ROR2: variants seen among roughly 807,000 people sequenced by gnomAD.
ROR2 encodes tyrosine-protein kinase transmembrane receptor ROR2.
ROR2 carries 33 observed loss-of-function variants against 74.9 expected under a neutral mutation model. The observed-to-expected ratio is 0.44, with a 90% CI of 0.33 to 0.59. The LOEUF (loss-of-function observed/expected upper bound fraction) is 0.59, where lower values mean the gene tolerates loss of function less well. Among genes scored for constraint, ROR2 ranks in the 20% least tolerant of loss-of-function variants. The pLI, the probability that ROR2 is intolerant of heterozygous loss-of-function variation, is 0.02. For missense variants in ROR2, 1,216 were observed against 1,313.8 expected (o/e 0.93, Z 1.15); for synonymous variants, 586 against 558.7 (o/e 1.05, Z -0.69).
chr9:91,759,226 GGC>G (rs58713030), intron 2 of ROR2, among the ~76,000 whole-genome samples: 8,034 of 152,226 alleles, frequency 0.053, 282 homozygotes, highest in East Asian at 0.1. Flanking sequence ...GGGGAAGCCA[GGC>G]GGTGGATTTA....
chr9:91,799,460 G>A (rs977402262), intron 1 of ROR2, among the ~76,000 whole-genome samples: 2 of 152,176 alleles, frequency 1.3e-5, no homozygotes, highest in East Asian at 1.9e-4. Flanking sequence ...GCCAGCCTTA[G>A]AGTTGAAATA....
intron 6 of ROR2, among the ~76,000 whole-genome samples, chr9:91,732,252 T>C (rs1837268668): frequency 1.3e-5 from 2 of 152,168 alleles, no homozygotes; most frequent in Admixed American, 1.3e-4. Context: ...TGTCAGCCAA[T>C]GGTTTTCCTC....
chr9:91,760,324 C>T lies in ROR2; in HGVS notation c.176-2765G>A, dbSNP rs536558416. On this transcript the variant is annotated intron_variant, in intron 2 of 8. Transcript: ENST00000375708. ...TTGTTAAATTATGATGACTGAAGTA[C>T]GTTTGGACATTAAGAAAAACAACTG... Among the ~76,000 whole-genome samples, 29 of 152,298 alleles carry T rather than the reference C, an allele frequency of 1.9e-4. No individual in the cohort carries two copies. In the South Asian group the frequency reaches 4.8e-3, roughly 25 times the overall value.
intron 2 of ROR2, among the ~76,000 whole-genome samples, chr9:91,767,225 C>T (rs893206049): frequency 3.3e-5 from 5 of 152,242 alleles, no homozygotes; most frequent in South Asian, 4.2e-4. Flanking sequence ...TAGGCATGCA[C>T]CACCACGCCC....
chr9:91,864,896 A>G (rs753148702), intron 1 of ROR2, among the ~76,000 whole-genome samples: 2 of 152,348 alleles, frequency 1.3e-5, no homozygotes, highest in Non-Finnish European at 2.9e-5. Context: ...TTCTCTCTGA[A>G]GGGAAAGGGG....
intron 1 of ROR2, among the ~76,000 whole-genome samples, chr9:91,822,066 A>T (rs779711515): frequency 6.6e-5 from 10 of 152,284 alleles, no homozygotes; most frequent in Non-Finnish European, 1.2e-4. Context: ...AACAAATTGT[A>T]AACACGGCAG....
At chr9:91,896,004 A>C (rs751909510) in intron 1 of ROR2, among the ~76,000 whole-genome samples, 1 of 152,174 alleles carries the variant, frequency 6.6e-6, no homozygotes, top group Non-Finnish European at 1.5e-5. Flanking sequence ...CTGCTTGTGT[A>C]TCAAGAAAAC....
At chr9:91,834,137 A>G (rs1428948118) in intron 1 of ROR2, among the ~76,000 whole-genome samples, 1 of 152,180 alleles carries the variant, frequency 6.6e-6, no homozygotes, top group Non-Finnish European at 1.5e-5. Flanking sequence ...AGGTCAGTAA[A>G]TCTATCTTGT....
At chr9:91,883,450 T>C (rs1181573952) in intron 1 of ROR2, 4 of 152,146 alleles carry the variant, frequency 2.6e-5, no homozygotes, top group African/African-American at 9.7e-5. Context: ...CACTGTCCAA[T>C]ATAGTAGCCA....
chr9:91,782,123 C>T (rs1357039997), intron 1 of ROR2, among the ~76,000 whole-genome samples: 1 of 152,232 alleles, frequency 6.6e-6, no homozygotes, highest in Non-Finnish European at 1.5e-5. Flanking sequence ...AATGCCGCAC[C>T]TCCACCCCCA....
intron 1 of ROR2, among the ~76,000 whole-genome samples, chr9:91,887,841 G>GA (rs1236335642): frequency 6.1e-5 from 8 of 130,422 alleles, no homozygotes; most frequent in African/African-American, 2.5e-4. Context: ...GCCCAGGCTG[G>GA]AGTGCAGTGG....
intron 1 of ROR2, among the ~76,000 whole-genome samples, chr9:91,826,302 T>C (rs1279626101): frequency 8.5e-5 from 13 of 152,182 alleles, no homozygotes; most frequent in Admixed American, 7.2e-4. Context: ...TATACCCAGG[T>C]ATATCTCCAC....
At chr9:91,904,983 T>C (rs1830776353) in intron 1 of ROR2, among the ~76,000 whole-genome samples, 1 of 149,964 alleles carries the variant, frequency 6.7e-6, no homozygotes, top group Non-Finnish European at 1.5e-5. Flanking sequence ...CCACACAACA[T>C]ACAATACACA....
At chr9:91,814,461 T>C (rs1459221226) in intron 1 of ROR2, among the ~76,000 whole-genome samples, 1 of 152,104 alleles carries the variant, frequency 6.6e-6, no homozygotes, top group Non-Finnish European at 1.5e-5. Context: ...GGCCCTGGCA[T>C]GACAGCATCA....
intron 1 of ROR2, among the ~76,000 whole-genome samples, chr9:91,854,341 C>T (rs1375018864): frequency 2.0e-5 from 3 of 152,134 alleles, no homozygotes; most frequent in Non-Finnish European, 4.4e-5. Flanking sequence ...GGTGGTGAGG[C>T]GTAGGATAGG....
chr9:91,923,964 G>A (rs547000918), intron 1 of ROR2: 1 of 152,342 alleles, frequency 6.6e-6, no homozygotes, highest in African/African-American at 2.4e-5. Context: ...AGGGCACATG[G>A]GTGCCTTCCT....
intron 1 of ROR2, among the ~76,000 whole-genome samples, chr9:91,869,811 T>C (rs538774042): frequency 7.9e-4 from 120 of 152,328 alleles, no homozygotes; most frequent in Non-Finnish European, 1.4e-3. Flanking sequence ...TTCGGTGTAC[T>C]AACTTAACTA....
chr9:91,910,955 C>T (rs1397452426), intron 1 of ROR2, among the ~76,000 whole-genome samples: 1 of 152,194 alleles, frequency 6.6e-6, no homozygotes, highest in African/African-American at 2.4e-5. Flanking sequence ...TTAGCCACCG[C>T]GCCCAGCCAA....
intron 1 of ROR2, among the ~76,000 whole-genome samples, chr9:91,847,891 G>A (rs761167240): frequency 6.6e-6 from 1 of 151,768 alleles, no homozygotes; most frequent in African/African-American, 2.4e-5. Flanking sequence ...GGACGGGAAG[G>A]ATGCAGGAGC....
Sources: allele counts gnomAD v4.1 joint callset (sites outside exome capture counted in the v4.1 genomes callset), GRCh38; gene constraint gnomAD v4.1.1; transcripts MANE v1.5; gene names NCBI Gene and HGNC (gene_info 2026-07-23, HGNC 2026-07-21).